Variants in FAM227B observed in about 807,000 individuals in gnomAD.
The protein encoded by FAM227B is protein FAM227B.
A neutral mutation model predicts 73.8 loss-of-function variants in FAM227B; 88 were observed. The observed-to-expected ratio is 1.19, with a 90% CI of 1.00 to 1.42. The LOEUF (loss-of-function observed/expected upper bound fraction) is 1.42. Ranked by LOEUF, FAM227B falls within the 40% of genes most tolerant of loss-of-function variation. FAM227B has a pLI of 0.00. For missense variants in FAM227B, 632 were observed against 590.9 expected, an observed-to-expected ratio of 1.07 and a Z score of -0.72; for synonymous variants, 210 against 190.5, an observed-to-expected ratio of 1.10 and a Z score of -0.84.
At chr15:49,406,324 T>C (rs1035493686) in intron 11 of FAM227B, among the ~76,000 whole-genome samples, 3 of 152,132 alleles carry the variant, frequency 2.0e-5, no homozygotes, top group Admixed American at 1.3e-4. Flanking sequence ...TGTTTTCATA[T>C]GGGCATTCAT....
intron 10 of FAM227B, among the ~76,000 whole-genome samples, chr15:49,511,430 T>C (rs112093509): frequency 1.2e-4 from 19 of 152,256 alleles, no homozygotes; most frequent in African/African-American, 4.3e-4. Flanking sequence ...GAAGATTGAG[T>C]TAGTAGGCAC....
At chr15:49,404,534 T>G (rs1444941426) in intron 11 of FAM227B, among the ~76,000 whole-genome samples, 1 of 152,158 alleles carries the variant, frequency 6.6e-6, no homozygotes, top group African/African-American at 2.4e-5. Flanking sequence ...TTGTCTTTTT[T>G]TTATGTTTGT....
Position 49,476,218 on chromosome 15 carries a change from TTTTTTTGTTTTTGG to T in FAM227B, c.1012+31979_1012+31992del, listed in dbSNP as rs1272149339. On this transcript the variant is annotated intron_variant, in intron 11 of 15. Coordinates refer to ENST00000299338, the MANE Select transcript of FAM227B (RefSeq NM_152647.3). Reference sequence around the variant, plus strand: ...AATTCCTATTTATTTTGCTGTTTTGTTTTTTTGTTTTTGGTTTTTTTTTTTTTGCATTTGGCATA... The same window carrying T: ...AATTCCTATTTATTTTGCTGTTTTGTTTTTTTTTTTTTTGCATTTGGCATA... Among the ~76,000 whole-genome samples the T allele has an allele frequency of 2.0e-4, 24 of 119,974 alleles. 3 individuals carry two copies. Among genetic ancestry groups the T allele is most frequent in the Middle Eastern group, 4.3e-3 (1 of 232 alleles). The allele number at this position is 119,974 out of a possible 152,430, so 78.7% of individuals were successfully genotyped here. A position where few individuals can be genotyped will look rare whatever the true frequency, so the allele number is the denominator to read the frequency against.
At chr15:49,390,533 A>G (rs536266255) in intron 11 of FAM227B, among the ~76,000 whole-genome samples, 15 of 152,230 alleles carry the variant, frequency 9.9e-5, no homozygotes, top group Admixed American at 7.9e-4. Flanking sequence ...CTTGACAGAC[A>G]GAATGCTCAG....
At chr15:49,507,775 A>G (rs1271447491) in intron 11 of FAM227B, among the ~76,000 whole-genome samples, 1 of 152,186 alleles carries the variant, frequency 6.6e-6, no homozygotes, top group Non-Finnish European at 1.5e-5. Context: ...GTTTATAACA[A>G]AGAGTTAAAT....
intron 3 of FAM227B, among the ~76,000 whole-genome samples, chr15:49,601,987 T>C (rs1269499384): frequency 6.6e-6 from 1 of 152,244 alleles, no homozygotes; most frequent in Admixed American, 6.5e-5. Flanking sequence ...CACTTTTTTA[T>C]GGCTGAATAG....
intron 11 of FAM227B, among the ~76,000 whole-genome samples, chr15:49,413,175 C>T (rs1020713645): frequency 1.3e-5 from 2 of 152,078 alleles, no homozygotes; most frequent in Admixed American, 6.6e-5. Context: ...TCCCATAATT[C>T]CCACATGTTG....
At chr15:49,573,133 T>C (rs73404164) in intron 8 of FAM227B, among the ~76,000 whole-genome samples, 4,363 of 152,188 alleles carry the variant, frequency 0.029, 217 homozygotes, top group African/African-American at 0.1. Context: ...TTAATCTGTT[T>C]TCATTTTCAT....
intron 4 of FAM227B, 140 bp from the exon 5 acceptor site, chr15:49,588,223 T>C (rs551839099): frequency 4.6e-6 from 2 of 437,260 alleles, no homozygotes; most frequent in East Asian, 4.5e-5. Context: ...TAAGTATATG[T>C]TAATACACAC....
chr15:49,525,336 TG>T (rs1464626216), intron 10 of FAM227B, among the ~76,000 whole-genome samples: 5 of 152,038 alleles, frequency 3.3e-5, no homozygotes, highest in African/African-American at 1.2e-4. Flanking sequence ...CTGCCATCCA[TG>T]TAAGACATGA....
At chr15:49,577,774 A>G in intron 5 of FAM227B, 110 bp from the exon 6 acceptor site, 1 of 602,806 alleles carries the variant, frequency 1.7e-6, no homozygotes, top group Non-Finnish European at 2.8e-6. Context: ...ATATATGTAT[A>G]TATATCCTAC....
intron 11 of FAM227B, among the ~76,000 whole-genome samples, chr15:49,456,452 A>C (rs983196435): frequency 6.6e-6 from 1 of 152,170 alleles, no homozygotes; most frequent in Non-Finnish European, 1.5e-5. Context: ...TGTGGGTAAC[A>C]TACTTGAAGT....
intron 11 of FAM227B, among the ~76,000 whole-genome samples, chr15:49,375,886 A>AG (rs1164145209): frequency 6.6e-6 from 1 of 152,098 alleles, no homozygotes; most frequent in East Asian, 1.9e-4. Context: ...AATTGAGACT[A>AG]TCTTTATTTT....
At chr15:49,610,085 C>CTCA (rs2077789200) in intron 3 of FAM227B, among the ~76,000 whole-genome samples, 1 of 151,922 alleles carries the variant, frequency 6.6e-6, no homozygotes, top group African/African-American at 2.4e-5. Flanking sequence ...TGATTGGTAT[C>CTCA]ATTCTCAATT....
chr15:49,397,639 C>A (rs1378872197), intron 11 of FAM227B, among the ~76,000 whole-genome samples: 1 of 152,184 alleles, frequency 6.6e-6, no homozygotes, highest in African/African-American at 2.4e-5. Flanking sequence ...ATCAGACTAA[C>A]AGCGGATCTC....
chr15:49,522,168 T>C (rs565892245), intron 10 of FAM227B, among the ~76,000 whole-genome samples: 1 of 152,174 alleles, frequency 6.6e-6, no homozygotes, highest in South Asian at 2.1e-4. Context: ...GTCCAAAAGC[T>C]ATCTATAAGC....
chr15:49,365,018 A>T (rs553514488), intron 13 of FAM227B: 61 of 481,360 alleles, frequency 1.3e-4, no homozygotes, highest in Middle Eastern at 1.2e-3. Context: ...ATATTTGCAA[A>T]CATATCATTG....
intron 8 of FAM227B, among the ~76,000 whole-genome samples, chr15:49,569,525 G>A (rs1002710710): frequency 1.3e-5 from 2 of 151,754 alleles, no homozygotes; most frequent in African/African-American, 4.8e-5. Flanking sequence ...TCATAATTGT[G>A]TTTATTTATA....
chr15:49,547,281 A>G (rs2072059083), intron 9 of FAM227B, among the ~76,000 whole-genome samples: 3 of 151,932 alleles, frequency 2.0e-5, no homozygotes, highest in Non-Finnish European at 4.4e-5. Flanking sequence ...TGAAGGAAGC[A>G]CTAAACATGG....
Sources: gnomAD v4.1 joint callset for allele counts (sites outside exome capture counted in the v4.1 genomes callset) on GRCh38, gnomAD v4.1.1 for gene constraint, MANE v1.5 for transcripts, NCBI Gene and HGNC (gene_info 2026-07-23, HGNC 2026-07-21) for gene names.